Variants in CLDN10 observed in about 807,000 individuals in gnomAD.
CLDN10 encodes the protein claudin-10.
In CLDN10, 15 loss-of-function variants were observed where a neutral mutation model predicts 22.9. The ratio of observed to expected loss-of-function variants is 0.65; its 90% CI spans 0.44 to 1.01. The LOEUF (loss-of-function observed/expected upper bound fraction) is 1.01. Among genes scored for constraint, CLDN10 ranks in the 50% least tolerant of loss-of-function variants. The pLI is 0.00. For missense variants in CLDN10, 247 were observed against 287.8 expected (o/e 0.86, Z 1.03); for synonymous variants, 114 against 111.4 (o/e 1.02, Z -0.15).
intron 1 of CLDN10, among the ~76,000 whole-genome samples, chr13:95,440,848 C>G (rs1023249007): frequency 6.6e-6 from 1 of 152,212 alleles, no homozygotes; most frequent in Non-Finnish European, 1.5e-5. Flanking sequence ...AGTGCCCTAG[C>G]CTTACAGTGG....
At chr13:95,472,972 A>G (rs2139104106) in intron 1 of CLDN10, among the ~76,000 whole-genome samples, 1 of 152,102 alleles carries the variant, frequency 6.6e-6, no homozygotes, top group Non-Finnish European at 1.5e-5. Context: ...GAGACTTGTC[A>G]GTACAAATAA....
intron 1 of CLDN10, among the ~76,000 whole-genome samples, chr13:95,446,200 G>A (rs952889645): frequency 3.3e-5 from 5 of 152,146 alleles, no homozygotes; most frequent in Non-Finnish European, 7.3e-5. Flanking sequence ...AGAGGAGGTC[G>A]AGGGGGTTCT....
At chr13:95,464,363 G>A (rs1028983234) in intron 1 of CLDN10, among the ~76,000 whole-genome samples, 2 of 151,654 alleles carry the variant, frequency 1.3e-5, no homozygotes, top group African/African-American at 4.8e-5. Flanking sequence ...TTGGTTTTTT[G>A]TCCTTGCGAT....
At chr13:95,571,538 G>A (rs970893226) in intron 3 of CLDN10, among the ~76,000 whole-genome samples, 13 of 152,254 alleles carry the variant, frequency 8.5e-5, no homozygotes, top group East Asian at 1.9e-4. Flanking sequence ...GAGGCTGAGC[G>A]TCTCATAAGA....
intron 1 of CLDN10, among the ~76,000 whole-genome samples, chr13:95,525,869 C>A (rs1594587634): frequency 6.6e-6 from 1 of 152,082 alleles, no homozygotes; most frequent in African/African-American, 2.4e-5. Flanking sequence ...ATTGACTAAA[C>A]AACTTGCATC....
intron 1 of CLDN10, among the ~76,000 whole-genome samples, chr13:95,537,462 G>A (rs556634113): frequency 2.6e-5 from 4 of 152,238 alleles, no homozygotes; most frequent in South Asian, 2.1e-4. Flanking sequence ...ATTTGTGTAC[G>A]TTTTCTGATG....
intron 1 of CLDN10, among the ~76,000 whole-genome samples, chr13:95,484,883 A>G (rs1483512711): frequency 2.4e-4 from 36 of 150,918 alleles, no homozygotes; most frequent in African/African-American, 8.3e-4. Flanking sequence ...AAAAAAAAAA[A>G]AAAAAAAAAA....
chr13:95,510,375 C>A (rs1193474083), intron 1 of CLDN10, among the ~76,000 whole-genome samples: 1 of 152,208 alleles, frequency 6.6e-6, no homozygotes, highest in Non-Finnish European at 1.5e-5. Flanking sequence ...TCTGAGCACA[C>A]TTTAAAGTTT....
At chr13:95,512,940 A>G (rs910200560) in intron 1 of CLDN10, among the ~76,000 whole-genome samples, 3 of 152,112 alleles carry the variant, frequency 2.0e-5, no homozygotes, top group Non-Finnish European at 4.4e-5. Flanking sequence ...CAGTGGCACA[A>G]TCTTGACTCA....
intron 1 of CLDN10, among the ~76,000 whole-genome samples, chr13:95,529,628 G>A (rs115158317): frequency 1.1e-3 from 165 of 152,246 alleles, no homozygotes; most frequent in African/African-American, 3.9e-3. Flanking sequence ...TCATACAGAA[G>A]TGGTCCTTTT....
intron 1 of CLDN10, among the ~76,000 whole-genome samples, chr13:95,478,426 C>T (rs1251866651): frequency 2.0e-5 from 3 of 152,310 alleles, no homozygotes. Context: ...CAGAACTCCC[C>T]AGGTGATTTA....
At chr13:95,526,041 C>G (rs1373057159) in intron 1 of CLDN10, among the ~76,000 whole-genome samples, 1 of 152,138 alleles carries the variant, frequency 6.6e-6, no homozygotes, top group African/African-American at 2.4e-5. Context: ...GCACTTCTCT[C>G]TGGAAGATAT....
At chr13:95,435,391 T>A (rs1026785422) in intron 1 of CLDN10, among the ~76,000 whole-genome samples, 1 of 152,200 alleles carries the variant, frequency 6.6e-6, no homozygotes, top group African/African-American at 2.4e-5. Flanking sequence ...TAGGAGATTT[T>A]GTGTCAAGTA....
intron 3 of CLDN10, among the ~76,000 whole-genome samples, chr13:95,569,514 G>A (rs1447849976): frequency 1.3e-5 from 2 of 152,140 alleles, no homozygotes; most frequent in African/African-American, 4.8e-5. Flanking sequence ...AACCTGGGGG[G>A]TGGAGGTTGC....
chr13:95,488,950 CTTTTTTTTT>C (rs58919737), intron 1 of CLDN10, among the ~76,000 whole-genome samples: 9 of 110,750 alleles, frequency 8.1e-5, no homozygotes, highest in Admixed American at 2.1e-4. Context: ...ACTTTTTGTT[CTTTTTTTTT>C]TTTTTTTTTT....
At chr13:95,559,958 T>A (rs1036031910) in intron 1 of CLDN10, among the ~76,000 whole-genome samples, 174 bp from the exon 2 acceptor site, 1 of 152,232 alleles carries the variant, frequency 6.6e-6, no homozygotes, top group Non-Finnish European at 1.5e-5. Flanking sequence ...TGACCTAGAA[T>A]AGGCACTCCC....
At chr13:95,441,928 A>T (rs1191115286) in intron 1 of CLDN10, among the ~76,000 whole-genome samples, 1 of 152,198 alleles carries the variant, frequency 6.6e-6, no homozygotes, top group African/African-American at 2.4e-5. Flanking sequence ...AGCCAGGTGG[A>T]TCGCTTGAGC....
chr13:95,460,726 A>G (rs533170613), intron 1 of CLDN10, among the ~76,000 whole-genome samples: 116 of 151,974 alleles, frequency 7.6e-4, no homozygotes, highest in Non-Finnish European at 1.6e-3. Flanking sequence ...TGCAGCCTCA[A>G]CCTCCTGGGT....
At chr13:95,455,244 G>A (rs2042471563) in intron 1 of CLDN10, among the ~76,000 whole-genome samples, 1 of 151,462 alleles carries the variant, frequency 6.6e-6, no homozygotes, top group South Asian at 2.1e-4. Context: ...GCAGCCTATT[G>A]GCCAGTGGCC....
Sources: allele counts gnomAD v4.1 joint callset (sites outside exome capture counted in the v4.1 genomes callset), GRCh38; gene constraint gnomAD v4.1.1; transcripts MANE v1.5; gene names NCBI Gene and HGNC (gene_info 2026-07-23, HGNC 2026-07-21).